USP46: variants seen among roughly 807,000 people sequenced by gnomAD.
USP46 encodes ubiquitin carboxyl-terminal hydrolase 46.
USP46 carries 12 observed loss-of-function variants against 44.4 expected under a neutral mutation model. The observed-to-expected ratio is 0.27, with a 90% CI of 0.17 to 0.44. The LOEUF is 0.44. Ranked by LOEUF, USP46 falls within the 20% of genes least tolerant of loss-of-function variation. The pLI, the probability that USP46 is intolerant of heterozygous loss-of-function variation, is 1.00. For synonymous variants in USP46, 155 were observed against 161.5 expected, an observed-to-expected ratio of 0.96 and a Z score of 0.31; for missense variants, 248 against 444.8, an observed-to-expected ratio of 0.56 and a Z score of 3.98.
chr4:52,656,180 C>T (rs1718939520), intron 1 of USP46: 2 of 957,732 alleles, frequency 2.1e-6, no homozygotes, highest in Non-Finnish European at 3.2e-6. Flanking sequence ...ATGCAATCAC[C>T]ATTTGCTCTT....
intron 1 of USP46, among the ~76,000 whole-genome samples, chr4:52,641,831 G>A (rs1718355089): frequency 6.6e-6 from 1 of 152,158 alleles, no homozygotes; most frequent in Admixed American, 6.5e-5. Context: ...ACAAGGAAGG[G>A]ACACAAGAAA....
rs183350276 is a variant in USP46, at chr4:52,649,782, C to A, written c.36+9333G>T. 7.5e-4 allele frequency among the ~76,000 whole-genome samples: 114 copies of A among 152,344 alleles called. 1 individual carries two copies. Among genetic ancestry groups the A allele is most frequent in the African/African-American group, 2.7e-3 (111 of 41,590 alleles). The stretch of plus-strand genomic sequence containing the variant: ...GGCACTGTGCTGACAGCTGGGAAAT[C>A]AACACTGAATAATACAAATAAATAC... On this transcript the variant is annotated intron_variant, in intron 1 of 8. Transcript: ENST00000441222.
At chr4:52,599,527 A>C (rs1716376894) in intron 7 of USP46, among the ~76,000 whole-genome samples, 1 of 152,142 alleles carries the variant, frequency 6.6e-6, no homozygotes, top group African/African-American at 2.4e-5. Context: ...GGGAATTTTA[A>C]GGAGTTGTAT....
intron 1 of USP46, among the ~76,000 whole-genome samples, chr4:52,647,262 T>C (rs1387469824): frequency 1.3e-5 from 2 of 152,160 alleles, no homozygotes. Flanking sequence ...TTTTAAAAAC[T>C]AAGAGAGAAA....
intron 1 of USP46, among the ~76,000 whole-genome samples, chr4:52,657,979 T>A (rs1455624832): frequency 6.6e-6 from 1 of 152,198 alleles, no homozygotes; most frequent in East Asian, 1.9e-4. Flanking sequence ...GGCAGCCAGA[T>A]CACCTTACAC....
chr4:52,639,559 T>G (rs559702631), intron 1 of USP46, among the ~76,000 whole-genome samples: 1 of 152,320 alleles, frequency 6.6e-6, no homozygotes, highest in African/African-American at 2.4e-5. Flanking sequence ...TCCTGGAAGC[T>G]GCACACATTA....
intron 5 of USP46, 76 bp downstream of exon 5, chr4:52,610,465 G>C: frequency 7.7e-7 from 1 of 1,298,136 alleles, no homozygotes; most frequent in Non-Finnish European, 1.1e-6. Context: ...ATTATGTCCT[G>C]AAGAAATACA....
chr4:52,597,505 C>G lies in USP46; in HGVS notation c.*135G>C. ...ATGTAAAAACACAAAAGGAGAGAGTCTAACACAGCCAGACCATTGAGACTC... is the reference window on the plus strand; with the variant it reads ...ATGTAAAAACACAAAAGGAGAGAGTGTAACACAGCCAGACCATTGAGACTC... On this transcript the variant is annotated 3_prime_UTR_variant, in exon 9 of 9. Coordinates refer to ENST00000441222, the MANE Select transcript of USP46 (RefSeq NM_022832.4). 1 of 659,522 alleles carries G rather than the reference C, an allele frequency of 1.5e-6. No individual in the cohort carries two copies. The highest frequency in any genetic ancestry group is 2.7e-6 in the Non-Finnish European group (1 of 373,396). The allele number at this position is 659,522 out of a possible 1,614,324, so 40.9% of individuals were successfully genotyped here. A position where few individuals can be genotyped will look rare whatever the true frequency, so the allele number is the denominator to read the frequency against.
intron 5 of USP46, among the ~76,000 whole-genome samples, chr4:52,607,869 C>A: frequency 6.6e-6 from 1 of 152,194 alleles, no homozygotes; most frequent in Admixed American, 6.5e-5. Context: ...GATGCCAGCA[C>A]CAAGCTTTCT....
chr4:52,616,089 A>T (rs967993323), intron 4 of USP46, among the ~76,000 whole-genome samples: 4 of 152,202 alleles, frequency 2.6e-5, no homozygotes, highest in African/African-American at 9.6e-5. Flanking sequence ...CACACCCAAC[A>T]ACTGCCAAAT....
At position 52,659,013 on chromosome 4, in the gene USP46, C is replaced by A. The variant is rs1211313055; in HGVS notation, c.36+102G>T. 2 of 1,396,966 alleles carry A rather than the reference C, an allele frequency of 1.4e-6. No individual in the cohort carries two copies. Among genetic ancestry groups the A allele is most frequent in the Admixed American group, 2.8e-5 (1 of 36,114 alleles). The allele number at this position is 1,396,966 out of a possible 1,614,324, so 86.5% of individuals were successfully genotyped here. A position where few individuals can be genotyped will look rare whatever the true frequency, so the allele number is the denominator to read the frequency against. On this transcript the variant is annotated intron_variant, in intron 1 of 8. Coordinates refer to ENST00000441222, the MANE Select transcript of USP46 (RefSeq NM_022832.4). The surrounding 1 kb of genome is among the most constrained non-coding windows in gnomAD (Gnocchi z 4.2). Reference sequence around the variant, plus strand: ...GAACTTCTGGCGGCGCGGACCCCGCCGCCCCCGCCGCCCCAGCCACCGGGC... The same window carrying A: ...GAACTTCTGGCGGCGCGGACCCCGCAGCCCCCGCCGCCCCAGCCACCGGGC...
At chr4:52,622,664 A>G (rs116307810) in intron 4 of USP46, among the ~76,000 whole-genome samples, 56 of 152,358 alleles carry the variant, frequency 3.7e-4, no homozygotes, top group South Asian at 1.0e-3. Flanking sequence ...TATAAATACA[A>G]CAAAGTGCTA....
At chr4:52,598,924 C>T (rs1023994129) in intron 7 of USP46, among the ~76,000 whole-genome samples, 1 of 152,082 alleles carries the variant, frequency 6.6e-6, no homozygotes, top group Non-Finnish European at 1.5e-5. Flanking sequence ...ACTCATAATC[C>T]AGCAGCAAAA....
chr4:52,633,297 G>T (rs1057045143), intron 1 of USP46, among the ~76,000 whole-genome samples: 2 of 152,088 alleles, frequency 1.3e-5, no homozygotes, highest in Non-Finnish European at 2.9e-5. Flanking sequence ...TGCACCAAAC[G>T]AATAACTCCC....
chr4:52,632,983 A>AGAAAGAAAGAAG (rs1560406138), intron 1 of USP46, among the ~76,000 whole-genome samples: 1 of 92,742 alleles, frequency 1.1e-5, no homozygotes, highest in Non-Finnish European at 2.0e-5. Flanking sequence ...AAAGAAAGAA[A>AGAAAGAAAGAAG]GAAAAGAAAA....
chr4:52,602,453 T>C (rs564618687), intron 6 of USP46, among the ~76,000 whole-genome samples: 2 of 152,222 alleles, frequency 1.3e-5, no homozygotes, highest in South Asian at 4.2e-4. Flanking sequence ...GAGGACAAGG[T>C]AGATGATGCC....
At position 52,631,268 on chromosome 4, in the gene USP46, T is replaced by C. The variant is rs538982911; in HGVS notation, c.37-124A>G. The C allele has an allele frequency of 6.1e-6, 4 of 658,702 alleles. No homozygotes were observed. The African/African-American group carries it at 7.3e-5, about 12-fold the overall frequency. The allele number at this position is 658,702 out of a possible 1,614,324, so 40.8% of individuals were successfully genotyped here. On this transcript the variant is annotated intron_variant, in intron 1 of 8. Transcript: ENST00000441222. ...GGTCAACACGGTATTTGTTGATGTTTGCACTGAAGAAAAATGTGTCAGAAG... is the reference window on the plus strand; with the variant it reads ...GGTCAACACGGTATTTGTTGATGTTCGCACTGAAGAAAAATGTGTCAGAAG...
At chr4:52,645,881 G>C (rs535146952) in intron 1 of USP46, among the ~76,000 whole-genome samples, 5 of 152,178 alleles carry the variant, frequency 3.3e-5, no homozygotes, top group African/African-American at 1.2e-4. Flanking sequence ...CACAAGATCG[G>C]GTTGTTTGAA....
At chr4:52,628,219 G>A in intron 2 of USP46, 56 bp from the exon 3 acceptor site, 1 of 1,550,152 alleles carries the variant, frequency 6.5e-7, no homozygotes, top group Non-Finnish European at 8.8e-7. Context: ...AGCCACCTCT[G>A]GAATAAGTGG....
Sources: allele counts gnomAD v4.1 joint callset (sites outside exome capture counted in the v4.1 genomes callset), GRCh38; gene constraint gnomAD v4.1.1; non-coding constraint Gnocchi (gnomAD v3.1); transcripts MANE v1.5; gene names NCBI Gene and HGNC (gene_info 2026-07-23, HGNC 2026-07-21).